The following ATP6V1E1 variants were observed in gnomAD, a reference collection of about 807,000 sequenced individuals.
ATP6V1E1 encodes the protein ATPase H+ transporting V1 subunit E1, also known as V-type proton ATPase subunit E 1.
Under a neutral mutation model 35.2 loss-of-function variants are expected in ATP6V1E1, and 21 were observed. That is an observed-to-expected ratio of 0.60 (90% CI 0.42 to 0.86). ATP6V1E1 has a LOEUF of 0.86. ATP6V1E1 is among the 40% of genes least tolerant of loss of function. ATP6V1E1 has a pLI of 0.00. For synonymous variants in ATP6V1E1, 83 were observed against 87.8 expected (o/e 0.95, Z 0.30); for missense variants, 183 against 272.6 (o/e 0.67, Z 2.32).
At chr22:17,598,130 C>T (rs1307547181) in intron 7 of ATP6V1E1, 64 bp downstream of exon 7, 13 of 1,274,140 alleles carry the variant, frequency 1.0e-5, no homozygotes, top group Non-Finnish European at 1.5e-5. Flanking sequence ...TTAAAAAAGG[C>T]CTGGTATAAA....
At chr22:17,619,714 T>C (rs981263362) in intron 1 of ATP6V1E1, among the ~76,000 whole-genome samples, 188 bp from the exon 2 acceptor site, 1 of 152,100 alleles carries the variant, frequency 6.6e-6, no homozygotes, top group African/African-American at 2.4e-5. Context: ...AGATACCCCG[T>C]CTCTACTAAA....
chr22:17,621,520 A>G (rs1003319032), intron 1 of ATP6V1E1, among the ~76,000 whole-genome samples: 5 of 152,058 alleles, frequency 3.3e-5, no homozygotes, highest in African/African-American at 1.2e-4. Flanking sequence ...GTCTTGAACT[A>G]CTGGGCTCAA....
chr22:17,601,927 C>A (rs2057764071), intron 4 of ATP6V1E1, among the ~76,000 whole-genome samples: 1 of 151,196 alleles, frequency 6.6e-6, no homozygotes, highest in Non-Finnish European at 1.5e-5. Flanking sequence ...GTTTTTGAGA[C>A]AGGGTCTTGC....
intron 7 of ATP6V1E1, among the ~76,000 whole-genome samples, chr22:17,597,544 T>C (rs757879038): frequency 6.6e-6 from 1 of 152,064 alleles, no homozygotes; most frequent in Admixed American, 6.6e-5. Context: ...AGGGAGTATC[T>C]ACCTCAGCAT....
chr22:17,600,960 GA>G (rs980351575), intron 5 of ATP6V1E1, 131 bp downstream of exon 5: 363 of 703,102 alleles, frequency 5.2e-4, no homozygotes, highest in Middle Eastern at 8.6e-4. Context: ...AAAGCTAAAA[GA>G]AAAAAAAAGG....
chr22:17,597,761 G>C (rs542892685), intron 7 of ATP6V1E1, among the ~76,000 whole-genome samples: 1 of 152,158 alleles, frequency 6.6e-6, no homozygotes, highest in African/African-American at 2.4e-5. Flanking sequence ...CTCCTGGGTA[G>C]CTGGGACTAC....
intron 2 of ATP6V1E1, among the ~76,000 whole-genome samples, chr22:17,614,759 G>A (rs2057834056): frequency 6.6e-6 from 1 of 151,638 alleles, no homozygotes; most frequent in African/African-American, 2.4e-5. Flanking sequence ...ATGAGGTCAG[G>A]AGATCGAGAC....
intron 4 of ATP6V1E1, among the ~76,000 whole-genome samples, chr22:17,605,561 G>C (rs562302050): frequency 6.6e-6 from 1 of 152,076 alleles, no homozygotes; most frequent in East Asian, 1.9e-4. Flanking sequence ...AAACTTGTAA[G>C]TTTTGCGGTT....
chr22:17,607,332 AT>A (rs1464346342), intron 4 of ATP6V1E1, among the ~76,000 whole-genome samples: 21 of 151,766 alleles, frequency 1.4e-4, no homozygotes, highest in Non-Finnish European at 2.6e-4. Flanking sequence ...TAATTTTTGT[AT>A]TTTTAGTAGA....
chr22:17,617,287 T>G (rs972581190), intron 2 of ATP6V1E1, among the ~76,000 whole-genome samples: 2 of 152,154 alleles, frequency 1.3e-5, no homozygotes, highest in Non-Finnish European at 2.9e-5. Context: ...TGGTCATATT[T>G]TATTTACTGA....
intron 1 of ATP6V1E1, among the ~76,000 whole-genome samples, chr22:17,627,288 C>T (rs1009808436): frequency 3.3e-5 from 5 of 151,606 alleles, no homozygotes; most frequent in Admixed American, 1.3e-4. Flanking sequence ...CCACCATGCC[C>T]GGCTAATTTT....
intron 2 of ATP6V1E1, among the ~76,000 whole-genome samples, chr22:17,618,002 G>A (rs1195610649): frequency 6.6e-6 from 1 of 151,834 alleles, no homozygotes; most frequent in African/African-American, 2.4e-5. Flanking sequence ...TAGACACGGG[G>A]TTTCACCATG....
chr22:17,599,565 G>GA (rs1458869948), intron 6 of ATP6V1E1, among the ~76,000 whole-genome samples: 2 of 99,358 alleles, frequency 2.0e-5, no homozygotes, highest in African/African-American at 4.1e-5. Context: ...AAATGAGAGC[G>GA]AAACTCCATC....
Position 17,592,654 on chromosome 22 carries a change from G to C in ATP6V1E1, c.*20C>G. On this transcript the variant is annotated 3_prime_UTR_variant, in exon 9 of 9. Coordinates refer to ENST00000253413, the MANE Select transcript of ATP6V1E1 (RefSeq NM_001696.4). ...ACATCACAGCAGGAGAGCTGACGAC[G>C]AGCTCCACCTCCTGAAGGCTTAGTC... 1 of 1,612,190 alleles carries C rather than the reference G, an allele frequency of 6.2e-7. No individual in the cohort carries two copies.
At chr22:17,599,153 A>G (rs551989106) in intron 6 of ATP6V1E1, among the ~76,000 whole-genome samples, 1 of 152,302 alleles carries the variant, frequency 6.6e-6, no homozygotes, top group South Asian at 2.1e-4. Context: ...TTTAATGAGC[A>G]CAAAGTTTCA....
chr22:17,612,077 G>A (rs1326814991), intron 4 of ATP6V1E1, among the ~76,000 whole-genome samples: 1 of 152,186 alleles, frequency 6.6e-6, no homozygotes, highest in East Asian at 1.9e-4. Flanking sequence ...TGCTGGATTA[G>A]TTATAGGATC....
At chr22:17,623,928 A>G (rs1318323332) in intron 1 of ATP6V1E1, among the ~76,000 whole-genome samples, 2 of 152,166 alleles carry the variant, frequency 1.3e-5, no homozygotes, top group African/African-American at 2.4e-5. Flanking sequence ...CCCTTTAAGG[A>G]CATTTAACTC....
chr22:17,623,656 CAA>C (rs11410655), intron 1 of ATP6V1E1, among the ~76,000 whole-genome samples: 18 of 111,774 alleles, frequency 1.6e-4, no homozygotes, highest in Non-Finnish European at 8.1e-5. Context: ...GACTCTGTCT[CAA>C]AAAAAAAAAA....
At chr22:17,623,656 C>CAAAA (rs11410655) in intron 1 of ATP6V1E1, among the ~76,000 whole-genome samples, 1 of 111,854 alleles carries the variant, frequency 8.9e-6, no homozygotes, top group African/African-American at 3.0e-5. Context: ...GACTCTGTCT[C>CAAAA]AAAAAAAAAA....
Sources: gnomAD v4.1 joint callset for allele counts (sites outside exome capture counted in the v4.1 genomes callset) on GRCh38, gnomAD v4.1.1 for gene constraint, MANE v1.5 for transcripts, NCBI Gene and HGNC (gene_info 2026-07-23, HGNC 2026-07-21) for gene names.